The following SCN8A variants were observed in gnomAD, a reference collection of about 807,000 sequenced individuals.
The protein encoded by SCN8A is sodium voltage-gated channel alpha subunit 8.
A neutral mutation model predicts 184.1 loss-of-function variants in SCN8A; 30 were observed. That is an observed-to-expected ratio of 0.16 (90% CI 0.12 to 0.22). The LOEUF is 0.22. Ranked by LOEUF, SCN8A falls within the 10% of genes least tolerant of loss-of-function variation. The pLI is 1.00. For synonymous variants in SCN8A, 852 were observed against 907.0 expected, an observed-to-expected ratio of 0.94 and a Z score of 1.09; for missense variants, 1,057 against 2,498.9, an observed-to-expected ratio of 0.42 and a Z score of 12.30.
At chr12:51,737,022 CA>C in intron 12 of SCN8A, among the ~76,000 whole-genome samples, 1 of 152,282 alleles carries the variant, frequency 6.6e-6, no homozygotes, top group East Asian at 1.9e-4. Flanking sequence ...TAGTTAATTT[CA>C]AAAAACTGAA....
chr12:51,687,817 GTATCTTTGGGAAACT>G, intron 5 of SCN8A, among the ~76,000 whole-genome samples: 1 of 152,310 alleles, frequency 6.6e-6, no homozygotes, highest in Middle Eastern at 3.4e-3. Context: ...CAATAAAAAT[GTATCTTTGGGAAACT>G]TAGCTGATGA....
Position 51,653,494 on chromosome 12 carries a change from G to T in SCN8A, c.-54-9270G>T, listed in dbSNP as rs1277034703. Among the ~76,000 whole-genome samples the T allele has an allele frequency of 3.9e-5, 6 of 152,242 alleles. No individual in the cohort carries two copies. The East Asian group carries it at 1.2e-3, about 29-fold the overall frequency. Reference sequence around the variant, plus strand: ...TCAAGATTCCTCCATGTTGTAGCATGTGTCAGGATTTCTTGCCTTTTTAAG... The same window carrying T: ...TCAAGATTCCTCCATGTTGTAGCATTTGTCAGGATTTCTTGCCTTTTTAAG... On this transcript the variant is annotated intron_variant, in intron 1 of 26. Transcript: ENST00000627620.
chr12:51,732,800 A>T (rs1402221839), intron 12 of SCN8A, among the ~76,000 whole-genome samples: 1 of 152,038 alleles, frequency 6.6e-6, no homozygotes, highest in Non-Finnish European at 1.5e-5. Context: ...ATTACTAGGT[A>T]TTTAATTTTA....
At position 51,653,546 on chromosome 12, in the gene SCN8A, A is replaced by G. The variant is rs576034891; in HGVS notation, c.-54-9218A>G. On this transcript the variant is annotated intron_variant, in intron 1 of 26. Transcript: ENST00000627620. ...TACATAAATATTTCATTATGTGTATATTTCACATTTTGTTTATTCATTCAT... is the reference window on the plus strand; with the variant it reads ...TACATAAATATTTCATTATGTGTATGTTTCACATTTTGTTTATTCATTCAT... Among the ~76,000 whole-genome samples, 15 of 152,172 alleles carry G rather than the reference A, an allele frequency of 9.9e-5. No individual in the cohort carries two copies. In the South Asian group the frequency reaches 1.0e-3, roughly 11 times the overall value.
chr12:51,609,106 A>G (rs1335688698), intron 1 of SCN8A, among the ~76,000 whole-genome samples: 1 of 152,216 alleles, frequency 6.6e-6, no homozygotes. Context: ...AGTGCTTGAT[A>G]CAATTTCAGT....
rs1942058715 is a variant in SCN8A at position 51,721,454 on chromosome 12, CG to C, written c.1636-90del. 26 of 1,360,312 alleles carry C rather than the reference CG, an allele frequency of 1.9e-5. No homozygotes were observed. The South Asian group carries it at 4.0e-4, about 21-fold the overall frequency. The allele number at this position is 1,360,312 out of a possible 1,614,324, so 84.3% of individuals were successfully genotyped here. A position where few individuals can be genotyped will look rare whatever the true frequency, so the allele number is the denominator to read the frequency against. ...GATCACAGGAGTGCGAGGGTGGGGC[CG>C]GCTGGGAACCTAACCACTTTGCTCA... is the stretch of plus-strand genomic sequence containing the variant. On this transcript the variant is annotated intron_variant, in intron 11 of 26. Coordinates refer to ENST00000627620, the MANE Select transcript of SCN8A (RefSeq NM_001330260.2).
chr12:51,708,791 T>C (rs1471946858), intron 11 of SCN8A, among the ~76,000 whole-genome samples: 3 of 152,208 alleles, frequency 2.0e-5, no homozygotes, highest in Non-Finnish European at 4.4e-5. Context: ...TTTTATATAC[T>C]GTCAACAGAT....
At chr12:51,629,601 A>G (rs2138612244) in intron 1 of SCN8A, among the ~76,000 whole-genome samples, 1 of 148,726 alleles carries the variant, frequency 6.7e-6, no homozygotes, top group South Asian at 2.2e-4. Flanking sequence ...AAAAAAAAAA[A>G]AAAAGTGAAA....
At position 51,667,817 on chromosome 12, in the gene SCN8A, C is replaced by A. The variant is rs142371469; in HGVS notation, c.276+4724C>A. Among the ~76,000 whole-genome samples, 483 of 152,126 alleles carry A rather than the reference C, an allele frequency of 3.2e-3. 4 individuals carry two copies. The highest frequency in any genetic ancestry group is 0.011 in the African/African-American group (457 of 41,504). On this transcript the variant is annotated intron_variant, in intron 2 of 26. Transcript: ENST00000627620. ...TTTAATGGGTATACCGTGTTACAAT[C>A]ATATAAACAAAAATTTAAATTACAA...
intron 11 of SCN8A, among the ~76,000 whole-genome samples, chr12:51,711,064 A>G (rs1373401075): frequency 1.3e-5 from 2 of 152,176 alleles, no homozygotes; most frequent in African/African-American, 4.8e-5. Flanking sequence ...AGCCATCTCT[A>G]TCTCACCTTC....
intron 12 of SCN8A, among the ~76,000 whole-genome samples, chr12:51,733,379 C>T (rs578196614): frequency 2.6e-5 from 4 of 152,142 alleles, no homozygotes; most frequent in Admixed American, 6.6e-5. Context: ...TATGTTGAAC[C>T]TTTCATGCAT....
intron 1 of SCN8A, among the ~76,000 whole-genome samples, chr12:51,660,164 CAA>C (rs377723399): frequency 1.9e-4 from 29 of 152,138 alleles, no homozygotes; most frequent in African/African-American, 7.0e-4. Flanking sequence ...TTAAGCCAAA[CAA>C]AGAGAGTGGG....
intron 1 of SCN8A, among the ~76,000 whole-genome samples, chr12:51,591,705 A>C (rs1268980882): frequency 2.0e-5 from 3 of 151,948 alleles, no homozygotes; most frequent in Non-Finnish European, 4.4e-5. Flanking sequence ...TCCCTCCCTC[A>C]GTGCCGGGCA....
At position 51,750,941 on chromosome 12, in the gene SCN8A, T is replaced by G. The variant is rs566617450; in HGVS notation, c.2132-414T>G. Among the ~76,000 whole-genome samples the G allele has an allele frequency of 2.6e-5, 4 of 152,312 alleles. No individual in the cohort carries two copies. The East Asian group carries it at 7.7e-4, about 29-fold the overall frequency. Reference sequence around the variant, plus strand: ...TGACTGCTTTACACCAGCATCTAATTTAGTCAAACTCATTCAGTCCTGTAA... The same window carrying G: ...TGACTGCTTTACACCAGCATCTAATGTAGTCAAACTCATTCAGTCCTGTAA... On this transcript the variant is annotated intron_variant, in intron 13 of 26. Transcript: ENST00000627620.
intron 20 of SCN8A, among the ~76,000 whole-genome samples, chr12:51,775,885 C>G (rs1166806424): frequency 6.6e-6 from 1 of 152,186 alleles, no homozygotes; most frequent in African/African-American, 2.4e-5. Flanking sequence ...ACGTTCTTCT[C>G]TTTTCCCTAG....
intron 14 of SCN8A, among the ~76,000 whole-genome samples, chr12:51,760,012 A>G (rs1457878114): frequency 6.6e-6 from 1 of 152,218 alleles, no homozygotes; most frequent in Non-Finnish European, 1.5e-5. Context: ...CACTCCTGCA[A>G]TAACATCAGT....
intron 21 of SCN8A, among the ~76,000 whole-genome samples, chr12:51,786,106 G>A (rs1007336962): frequency 2.6e-5 from 4 of 152,188 alleles, no homozygotes; most frequent in Non-Finnish European, 5.9e-5. Flanking sequence ...ACCACAACGG[G>A]TAGTTCTCTG....
chr12:51,649,802 A>G lies in SCN8A; in HGVS notation c.-54-12962A>G, dbSNP rs142556129. Among the ~76,000 whole-genome samples, 4 of 152,102 alleles carry G rather than the reference A, an allele frequency of 2.6e-5. No individual in the cohort carries two copies. The East Asian group carries it at 5.8e-4, about 22-fold the overall frequency. Reference sequence around the variant, plus strand: ...GACATGCCCTGGAGACATTTTCCCCATTGTCTTGGAGATTAACATTCGCTC... The same window carrying G: ...GACATGCCCTGGAGACATTTTCCCCGTTGTCTTGGAGATTAACATTCGCTC... On this transcript the variant is annotated intron_variant, in intron 1 of 26. Transcript: ENST00000627620.
intron 1 of SCN8A, among the ~76,000 whole-genome samples, chr12:51,607,702 T>A (rs560253728): frequency 6.6e-6 from 1 of 152,246 alleles, no homozygotes; most frequent in Non-Finnish European, 1.5e-5. Flanking sequence ...TTTTTGTTTT[T>A]AATTCTGTTT....
Sources: gnomAD v4.1 joint callset for allele counts (sites outside exome capture counted in the v4.1 genomes callset) on GRCh38, gnomAD v4.1.1 for gene constraint, MANE v1.5 for transcripts, NCBI Gene and HGNC (gene_info 2026-07-23, HGNC 2026-07-21) for gene names.